Variants in TRDN observed in about 807,000 individuals in gnomAD.
TRDN encodes the protein triadin in skeletal muscle.
A neutral mutation model predicts 149.7 loss-of-function variants in TRDN; 161 were observed. That is an observed-to-expected ratio of 1.08 (90% CI 0.95 to 1.23). The LOEUF is 1.23. Ranked by LOEUF, TRDN falls within the 50% of genes most tolerant of loss-of-function variation. The pLI is 0.00. For synonymous variants in TRDN, 294 were observed against 250.5 expected, an observed-to-expected ratio of 1.17 and a Z score of -1.64; for missense variants, 896 against 823.5, an observed-to-expected ratio of 1.09 and a Z score of -1.08.
chr6:123,347,620 A>T (rs2114278981), intron 21 of TRDN, among the ~76,000 whole-genome samples: 1 of 152,132 alleles, frequency 6.6e-6, no homozygotes, highest in African/African-American at 2.4e-5. Flanking sequence ...TTTATAATCT[A>T]AATTGGACTT....
chr6:123,415,154 C>A (rs915823793), intron 12 of TRDN, among the ~76,000 whole-genome samples: 2 of 152,080 alleles, frequency 1.3e-5, no homozygotes, highest in Non-Finnish European at 2.9e-5. Context: ...GTGCTTACTA[C>A]AAATAAGGAA....
intron 5 of TRDN, among the ~76,000 whole-genome samples, chr6:123,517,990 G>A (rs1779493909): frequency 6.6e-6 from 1 of 151,904 alleles, no homozygotes; most frequent in African/African-American, 2.4e-5. Context: ...GTCACATAGT[G>A]GACTCTGTAA....
chr6:123,261,112 C>G (rs1316004938), intron 33 of TRDN, among the ~76,000 whole-genome samples: 1 of 151,286 alleles, frequency 6.6e-6, no homozygotes, highest in Non-Finnish European at 1.5e-5. Context: ...TAAGTACCTA[C>G]CAAGTTAAAA....
chr6:123,391,661 A>G (rs1047922630), intron 13 of TRDN, among the ~76,000 whole-genome samples: 14 of 152,018 alleles, frequency 9.2e-5, no homozygotes, highest in Non-Finnish European at 1.9e-4. Flanking sequence ...GCTAAATCTT[A>G]ATAATAGTTA....
chr6:123,443,055 A>G (rs1275377907), intron 10 of TRDN, among the ~76,000 whole-genome samples: 1 of 152,112 alleles, frequency 6.6e-6, no homozygotes, highest in Non-Finnish European at 1.5e-5. Context: ...CAAGTGAAAT[A>G]TGCATCATCT....
intron 10 of TRDN, chr6:123,464,397 T>C (rs1189357160): frequency 4.1e-6 from 4 of 967,768 alleles, no homozygotes; most frequent in Non-Finnish European, 2.5e-6. Flanking sequence ...TGAGTGTGTG[T>C]GTATATATAT....
chr6:123,296,336 C>G (rs1393139351), intron 24 of TRDN, among the ~76,000 whole-genome samples: 1 of 152,094 alleles, frequency 6.6e-6, no homozygotes, highest in African/African-American at 2.4e-5. Context: ...AGGCATTTTA[C>G]CATTTAAATT....
intron 10 of TRDN, among the ~76,000 whole-genome samples, chr6:123,441,487 G>A (rs1774885983): frequency 6.6e-6 from 1 of 152,190 alleles, no homozygotes. Context: ...CCTGACAAAA[G>A]TATAATAAGC....
chr6:123,542,853 T>C (rs934868488), intron 4 of TRDN, among the ~76,000 whole-genome samples: 1 of 121,062 alleles, frequency 8.3e-6, no homozygotes, highest in Non-Finnish European at 1.7e-5. Flanking sequence ...AGTGTGTGCA[T>C]GTTTGCGTGT....
intron 4 of TRDN, among the ~76,000 whole-genome samples, chr6:123,544,246 TACAC>T (rs71021453): frequency 0.031 from 4,504 of 144,168 alleles, 116 homozygotes; most frequent in East Asian, 0.11. Flanking sequence ...CATCTGTACA[TACAC>T]ACACACACAC....
At chr6:123,568,749 G>A (rs1017545390) in intron 2 of TRDN, among the ~76,000 whole-genome samples, 3 of 152,316 alleles carry the variant, frequency 2.0e-5, no homozygotes, top group Admixed American at 6.5e-5. Flanking sequence ...GTGGGGCCCT[G>A]AGCCTGACCC....
intron 21 of TRDN, chr6:123,350,389 A>C (rs1299167822): frequency 9.6e-6 from 8 of 829,462 alleles, no homozygotes; most frequent in Non-Finnish European, 7.3e-6. Flanking sequence ...AAAATCATAT[A>C]ATTTTTCTAA....
rs746357743 is a variant in TRDN at position 123,363,619 on chromosome 6, C to T, written c.1321+2516G>A. Among the ~76,000 whole-genome samples the T allele has an allele frequency of 1.1e-4, 16 of 152,238 alleles. 1 individual carries two copies. In the South Asian group the frequency reaches 3.3e-3, roughly 32 times the overall value. ...TAGATAGATAATTTATTTCCTTTCA[C>T]TTCCCTCTAAGCCTGACAAGCAAGT... On this transcript the variant is annotated intron_variant, in intron 20 of 40. Coordinates refer to ENST00000334268, the MANE Select transcript of TRDN (RefSeq NM_006073.4).
At chr6:123,320,898 T>G in intron 23 of TRDN, among the ~76,000 whole-genome samples, 1 of 152,048 alleles carries the variant, frequency 6.6e-6, no homozygotes, top group African/African-American at 2.4e-5. Context: ...CTGGTAAAAC[T>G]AAGCAGTCTG....
At chr6:123,508,914 T>A (rs1208568164) in intron 7 of TRDN, among the ~76,000 whole-genome samples, 1 of 152,162 alleles carries the variant, frequency 6.6e-6, no homozygotes, top group African/African-American at 2.4e-5. Context: ...TATCTTATTT[T>A]GTTTTACCAG....
chr6:123,546,193 T>C (rs150068099), intron 4 of TRDN, among the ~76,000 whole-genome samples: 5 of 152,260 alleles, frequency 3.3e-5, no homozygotes, highest in Non-Finnish European at 7.4e-5. Context: ...AAGTCTGTCT[T>C]GAGTACTTGA....
intron 9 of TRDN, among the ~76,000 whole-genome samples, chr6:123,473,044 C>G (rs541545652): frequency 3.3e-5 from 5 of 152,218 alleles, no homozygotes; most frequent in African/African-American, 1.2e-4. Context: ...CGCCTCTCCT[C>G]CTCCAAAGGA....
At chr6:123,401,112 T>C (rs947686039) in intron 12 of TRDN, among the ~76,000 whole-genome samples, 1 of 152,232 alleles carries the variant, frequency 6.6e-6, no homozygotes, top group Non-Finnish European at 1.5e-5. Flanking sequence ...TATGTGGCAA[T>C]TATCCTCACA....
chr6:123,348,703 C>T (rs1288264872), intron 21 of TRDN, among the ~76,000 whole-genome samples: 1 of 152,050 alleles, frequency 6.6e-6, no homozygotes, highest in East Asian at 1.9e-4. Context: ...CCTACTGTGG[C>T]TTCAGCATAA....
Sources: allele counts gnomAD v4.1 joint callset (sites outside exome capture counted in the v4.1 genomes callset), GRCh38; gene constraint gnomAD v4.1.1; transcripts MANE v1.5; gene names NCBI Gene and HGNC (gene_info 2026-07-23, HGNC 2026-07-21).